The following NKAIN3 variants were observed in gnomAD, a reference collection of about 807,000 sequenced individuals.
NKAIN3 encodes the protein sodium/potassium-transporting ATPase subunit beta-1-interacting protein 3.
Under a neutral mutation model 30.2 loss-of-function variants are expected in NKAIN3, and 25 were observed. That is an observed-to-expected ratio of 0.83 (90% CI 0.60 to 1.16). The LOEUF is 1.16. NKAIN3 is among the 50% of genes most tolerant of loss of function. The pLI, the probability that NKAIN3 is intolerant of heterozygous loss-of-function variation, is 0.00. For missense variants in NKAIN3, 225 were observed against 254.1 expected, an observed-to-expected ratio of 0.89 and a Z score of 0.78; for synonymous variants, 91 against 89.6, an observed-to-expected ratio of 1.02 and a Z score of -0.09.
chr8:62,895,945 A>T (rs1821415560), intron 4 of NKAIN3, among the ~76,000 whole-genome samples: 1 of 149,716 alleles, frequency 6.7e-6, no homozygotes, highest in Non-Finnish European at 1.5e-5. Flanking sequence ...AAAACCAAAA[A>T]CTCTGAGAAT....
At chr8:62,775,323 G>A (rs998959368) in intron 4 of NKAIN3, among the ~76,000 whole-genome samples, 1 of 144,638 alleles carries the variant, frequency 6.9e-6, no homozygotes, top group East Asian at 2.1e-4. Flanking sequence ...TGCTAAAAAT[G>A]TGTTGATTTT....
At chr8:62,344,184 A>G (rs1197486261) in intron 1 of NKAIN3, among the ~76,000 whole-genome samples, 9 of 152,176 alleles carry the variant, frequency 5.9e-5, no homozygotes, top group African/African-American at 2.2e-4. Flanking sequence ...CTGAAACACA[A>G]ATAAAGAAAT....
At chr8:62,273,917 C>G (rs1812849940) in intron 1 of NKAIN3, among the ~76,000 whole-genome samples, 1 of 152,132 alleles carries the variant, frequency 6.6e-6, no homozygotes, top group Admixed American at 6.5e-5. Flanking sequence ...CCCTTCCTTT[C>G]CTGAAGACAA....
At chr8:62,573,406 C>T (rs1199274778) in intron 1 of NKAIN3, among the ~76,000 whole-genome samples, 1 of 152,088 alleles carries the variant, frequency 6.6e-6, no homozygotes, top group East Asian at 1.9e-4. Context: ...TCAATGGTTT[C>T]TTCAATATAC....
intron 4 of NKAIN3, among the ~76,000 whole-genome samples, chr8:62,828,901 G>A (rs1163878943): frequency 4.6e-5 from 7 of 152,134 alleles, no homozygotes; most frequent in African/African-American, 1.4e-4. Context: ...GAGTGAGGCT[G>A]TTGGAAGTAA....
intron 1 of NKAIN3, among the ~76,000 whole-genome samples, chr8:62,327,046 A>T (rs918651121): frequency 6.6e-6 from 1 of 151,800 alleles, no homozygotes; most frequent in Middle Eastern, 3.2e-3. Context: ...TATGGTTTTG[A>T]TTTGCATTTT....
intron 4 of NKAIN3, among the ~76,000 whole-genome samples, chr8:62,914,620 A>G (rs759385854): frequency 2.0e-5 from 3 of 152,194 alleles, no homozygotes; most frequent in Non-Finnish European, 4.4e-5. Flanking sequence ...CCCAATATCA[A>G]AAGATGGCAT....
chr8:62,911,086 C>T (rs950568842), intron 4 of NKAIN3, among the ~76,000 whole-genome samples: 2 of 151,950 alleles, frequency 1.3e-5, no homozygotes, highest in Non-Finnish European at 2.9e-5. Context: ...TATTGAAAAA[C>T]ATCAAAAAAG....
chr8:62,433,861 A>C (rs4144761), intron 1 of NKAIN3, among the ~76,000 whole-genome samples: 13,973 of 152,152 alleles, frequency 0.092, 848 homozygotes, highest in African/African-American at 0.16. Context: ...AAGGAATCTG[A>C]AAGTCAGGCA....
intron 4 of NKAIN3, among the ~76,000 whole-genome samples, chr8:62,858,709 G>A (rs1227843826): frequency 6.6e-6 from 1 of 152,162 alleles, no homozygotes; most frequent in Non-Finnish European, 1.5e-5. Flanking sequence ...AAAGTCCACA[G>A]GCTGGAACAG....
At chr8:62,800,406 A>G (rs1035144291) in intron 4 of NKAIN3, among the ~76,000 whole-genome samples, 3 of 152,140 alleles carry the variant, frequency 2.0e-5, no homozygotes, top group Middle Eastern at 3.2e-3. Flanking sequence ...GACCAAGTCT[A>G]CCACTCTGCC....
intron 4 of NKAIN3, among the ~76,000 whole-genome samples, chr8:62,892,895 G>T (rs938791294): frequency 6.6e-6 from 1 of 152,172 alleles, no homozygotes; most frequent in African/African-American, 2.4e-5. Context: ...GTGATAACTA[G>T]TTCTGTGGGT....
intron 1 of NKAIN3, among the ~76,000 whole-genome samples, chr8:62,344,358 C>G (rs1387061072): frequency 6.6e-6 from 1 of 151,940 alleles, no homozygotes; most frequent in Non-Finnish European, 1.5e-5. Flanking sequence ...TACTACATTT[C>G]CAGATGTCTA....
At chr8:62,250,854 G>T (rs1279077476) in intron 1 of NKAIN3, among the ~76,000 whole-genome samples, 1 of 151,802 alleles carries the variant, frequency 6.6e-6, no homozygotes, top group Non-Finnish European at 1.5e-5. Flanking sequence ...TGGTGCTCCA[G>T]GTAAAATCCC....
chr8:62,256,001 C>T (rs892634779), intron 1 of NKAIN3, among the ~76,000 whole-genome samples: 3 of 152,114 alleles, frequency 2.0e-5, no homozygotes, highest in African/African-American at 7.2e-5. Flanking sequence ...GTCAGAAGAA[C>T]TTGAAGAGGA....
intron 4 of NKAIN3, among the ~76,000 whole-genome samples, chr8:62,900,684 A>G (rs1476521591): frequency 6.6e-6 from 1 of 152,230 alleles, no homozygotes; most frequent in Non-Finnish European, 1.5e-5. Flanking sequence ...CTAGATATCC[A>G]TTATCTTGAT....
At chr8:62,895,801 C>G (rs879787427) in intron 4 of NKAIN3, among the ~76,000 whole-genome samples, 2 of 152,082 alleles carry the variant, frequency 1.3e-5, no homozygotes, top group Admixed American at 1.3e-4. Flanking sequence ...CACTCCCTCT[C>G]TGCAAAACTT....
intron 1 of NKAIN3, among the ~76,000 whole-genome samples, chr8:62,550,399 TTGTGCGCG>T (rs1242220552): frequency 5.9e-5 from 9 of 152,226 alleles, no homozygotes; most frequent in African/African-American, 2.2e-4. Context: ...TTCTATGGGA[TTGTGCGCG>T]TGTGCGCGTG....
intron 1 of NKAIN3, among the ~76,000 whole-genome samples, chr8:62,543,738 C>T (rs1365978177): frequency 6.6e-6 from 1 of 152,164 alleles, no homozygotes; most frequent in Non-Finnish European, 1.5e-5. Flanking sequence ...ACATAAGAAA[C>T]TGAAAATCTC....
Sources: gnomAD v4.1 joint callset for allele counts (sites outside exome capture counted in the v4.1 genomes callset) on GRCh38, gnomAD v4.1.1 for gene constraint, MANE v1.5 for transcripts, NCBI Gene and HGNC (gene_info 2026-07-23, HGNC 2026-07-21) for gene names.